PRTFDC1: variants seen among roughly 807,000 people sequenced by gnomAD.
The protein encoded by PRTFDC1 is phosphoribosyltransferase domain-containing protein 1.
Under a neutral mutation model 34.6 loss-of-function variants are expected in PRTFDC1, and 38 were observed. The observed-to-expected ratio is 1.10, with a 90% CI of 0.85 to 1.44. The LOEUF (loss-of-function observed/expected upper bound fraction) is 1.44. Among genes scored for constraint, PRTFDC1 ranks in the 40% most tolerant of loss-of-function variants. The pLI is 0.00. For synonymous variants in PRTFDC1, 93 were observed against 98.1 expected, an observed-to-expected ratio of 0.95 and a Z score of 0.31; for missense variants, 270 against 283.0, an observed-to-expected ratio of 0.95 and a Z score of 0.33.
intron 3 of PRTFDC1, among the ~76,000 whole-genome samples, chr10:24,887,668 C>A (rs1391640245): frequency 3.3e-5 from 5 of 152,104 alleles, no homozygotes; most frequent in Non-Finnish European, 1.5e-5. Context: ...TACCCTCTAT[C>A]CAGCATGGCT....
At chr10:24,938,406 C>A (rs1050806181) in intron 2 of PRTFDC1, among the ~76,000 whole-genome samples, 3 of 152,156 alleles carry the variant, frequency 2.0e-5, no homozygotes, top group Non-Finnish European at 4.4e-5. Flanking sequence ...AAACCCTGAA[C>A]ACTGGGTGGA....
chr10:24,906,102 G>T (rs1438123430), intron 3 of PRTFDC1, among the ~76,000 whole-genome samples: 1 of 151,814 alleles, frequency 6.6e-6, no homozygotes, highest in Non-Finnish European at 1.5e-5. Flanking sequence ...TTGTAGATCT[G>T]GTCCTGTCAC....
intron 8 of PRTFDC1, among the ~76,000 whole-genome samples, 169 bp downstream of exon 8, chr10:24,851,219 C>G (rs1847481476): frequency 6.6e-6 from 1 of 152,164 alleles, no homozygotes; most frequent in African/African-American, 2.4e-5. Context: ...ACCTACCCTG[C>G]AGAATAGTAG....
rs1267855389 is a variant in PRTFDC1 at position 24,849,800 on chromosome 10, A to G, written c.*44T>C. 1.3e-6 allele frequency: 2 copies of G among 1,598,656 alleles called. No homozygotes were observed. Among genetic ancestry groups the G allele is most frequent in the Non-Finnish European group, 1.7e-6 (2 of 1,166,134 alleles). ...CAGCTGGCTTCCCAAGTACAGGCGT[A>G]AATATGATGCTATCTGGGACTTTAG... On this transcript the variant is annotated 3_prime_UTR_variant, in exon 9 of 9. Coordinates refer to ENST00000320152, the MANE Select transcript of PRTFDC1 (RefSeq NM_020200.7).
chr10:24,941,882 T>G (rs1849164745), intron 2 of PRTFDC1, among the ~76,000 whole-genome samples: 2 of 152,236 alleles, frequency 1.3e-5, no homozygotes. Context: ...GTTTCTTTTC[T>G]GTGTTCTTCT....
intron 3 of PRTFDC1, among the ~76,000 whole-genome samples, chr10:24,918,547 C>T (rs569164192): frequency 5.3e-5 from 8 of 151,950 alleles, no homozygotes; most frequent in Admixed American, 5.2e-4. Context: ...CTCCCAAGGG[C>T]TGTGACTACA....
At chr10:24,879,955 A>G (rs1295620213) in intron 3 of PRTFDC1, among the ~76,000 whole-genome samples, 1 of 152,114 alleles carries the variant, frequency 6.6e-6, no homozygotes, top group Non-Finnish European at 1.5e-5. Context: ...GAATGTGGAG[A>G]CCAAGCGAAC....
At chr10:24,900,622 T>C (rs547493310) in intron 3 of PRTFDC1, among the ~76,000 whole-genome samples, 1 of 152,352 alleles carries the variant, frequency 6.6e-6, no homozygotes, top group African/African-American at 2.4e-5. Context: ...CTCTTTATTC[T>C]TTTAAATATT....
chr10:24,891,158 GTGTTAGAAATT>G (rs1848254282), intron 3 of PRTFDC1, among the ~76,000 whole-genome samples: 1 of 152,142 alleles, frequency 6.6e-6, no homozygotes, highest in South Asian at 2.1e-4. Context: ...ATGACAATTG[GTGTTAGAAATT>G]TCAGTAACTT....
chr10:24,860,269 T>C (rs1847655859), intron 4 of PRTFDC1, among the ~76,000 whole-genome samples: 1 of 152,052 alleles, frequency 6.6e-6, no homozygotes, highest in African/African-American at 2.4e-5. Flanking sequence ...TAATCCCAGC[T>C]ACTCAGGAGG....
intron 4 of PRTFDC1, among the ~76,000 whole-genome samples, chr10:24,869,726 A>C (rs1033578239): frequency 6.6e-6 from 1 of 152,182 alleles, no homozygotes; most frequent in Admixed American, 6.5e-5. Context: ...GTCCCCGTTG[A>C]ATCTCCTATG....
chr10:24,934,247 GGAGAAGAAGA>G (rs1564317708), intron 3 of PRTFDC1, among the ~76,000 whole-genome samples: 5 of 106,032 alleles, frequency 4.7e-5, no homozygotes, highest in African/African-American at 1.7e-4. Context: ...AGAAGAAGAA[GGAGAAGAAGA>G]AGAAGAAGAA....
At chr10:24,878,500 G>T (rs753033618) in intron 3 of PRTFDC1, among the ~76,000 whole-genome samples, 14 of 152,182 alleles carry the variant, frequency 9.2e-5, no homozygotes, top group Non-Finnish European at 1.6e-4. Context: ...ATGGACAGGA[G>T]AAATCAACAT....
At position 24,937,392 on chromosome 10, in the gene PRTFDC1, T is replaced by G. The variant is rs959438828; in HGVS notation, c.156-25A>C. 3.8e-6 allele frequency: 6 copies of G among 1,586,462 alleles called. No homozygotes were observed. In the African/African-American group the frequency reaches 8.1e-5, roughly 21 times the overall value. ...TCTGAAAGAAGGATAAAAGATATAT[T>G]AAGGCACAACTACTTCTGAGTATTT... On this transcript the variant is annotated intron_variant, in intron 2 of 8. Transcript: ENST00000320152.
chr10:24,942,288 G>T, intron 2 of PRTFDC1, 42 bp downstream of exon 2: 1 of 1,490,220 alleles, frequency 6.7e-7, no homozygotes, highest in Non-Finnish European at 9.4e-7. Flanking sequence ...GTGTGGGCCG[G>T]CCCAGTGCAG....
intron 3 of PRTFDC1, among the ~76,000 whole-genome samples, chr10:24,910,597 T>C (rs528670142): frequency 1.3e-5 from 2 of 152,314 alleles, no homozygotes; most frequent in East Asian, 3.9e-4. Flanking sequence ...TATGTAATTA[T>C]AGATCCATCT....
chr10:24,878,734 C>T (rs1848013233), intron 3 of PRTFDC1, among the ~76,000 whole-genome samples: 1 of 152,014 alleles, frequency 6.6e-6, no homozygotes, highest in Non-Finnish European at 1.5e-5. Flanking sequence ...AAAAACAAAC[C>T]GAGGAAGAAT....
chr10:24,883,818 C>CTTTTTTTT (rs71399940), intron 3 of PRTFDC1, among the ~76,000 whole-genome samples: 1 of 96,570 alleles, frequency 1.0e-5, no homozygotes, highest in Non-Finnish European at 2.0e-5. Context: ...CTTAAGAGAC[C>CTTTTTTTT]TTTTTTTTTT....
intron 3 of PRTFDC1, among the ~76,000 whole-genome samples, chr10:24,933,508 T>G (rs1356530606): frequency 6.6e-6 from 1 of 152,158 alleles, no homozygotes; most frequent in Non-Finnish European, 1.5e-5. Flanking sequence ...AAATCATCAT[T>G]TATTAGGGAA....
Sources: gnomAD v4.1 joint callset for allele counts (sites outside exome capture counted in the v4.1 genomes callset) on GRCh38, gnomAD v4.1.1 for gene constraint, MANE v1.5 for transcripts, NCBI Gene and HGNC (gene_info 2026-07-23, HGNC 2026-07-21) for gene names.